The following SEMA6D variants were observed in gnomAD, a reference collection of about 807,000 sequenced individuals.
SEMA6D encodes semaphorin 6D, also known as semaphorin-6D.
In SEMA6D, 35 loss-of-function variants were observed where a neutral mutation model predicts 106.6. The observed-to-expected ratio is 0.33, with a 90% CI of 0.25 to 0.44. The LOEUF (loss-of-function observed/expected upper bound fraction) is 0.44, where lower values mean the gene tolerates loss of function less well. SEMA6D is among the 20% of genes least tolerant of loss of function. The pLI is 1.00. For missense variants in SEMA6D, 1,185 were observed against 1,345.9 expected (o/e 0.88, Z 1.87); for synonymous variants, 499 against 487.7 (o/e 1.02, Z -0.31).
At chr15:47,677,126 C>G (rs1307616639) in intron 4 of SEMA6D, among the ~76,000 whole-genome samples, 8 of 152,142 alleles carry the variant, frequency 5.3e-5, no homozygotes, top group Admixed American at 5.2e-4. Context: ...CACCACTCAC[C>G]TCCTCCTGTG....
At chr15:47,349,891 C>T (rs551269011) in intron 1 of SEMA6D, among the ~76,000 whole-genome samples, 40 of 152,256 alleles carry the variant, frequency 2.6e-4, no homozygotes, top group Admixed American at 2.4e-3. Flanking sequence ...AGTTCTCATG[C>T]CATTACTGTG....
intron 4 of SEMA6D, among the ~76,000 whole-genome samples, chr15:47,633,495 C>T (rs1206087939): frequency 6.6e-6 from 1 of 152,124 alleles, no homozygotes; most frequent in Non-Finnish European, 1.5e-5. Context: ...CTCTGTCATA[C>T]AAATTAGTAT....
chr15:47,636,352 A>C (rs547840880), intron 4 of SEMA6D, among the ~76,000 whole-genome samples: 1 of 152,352 alleles, frequency 6.6e-6, no homozygotes, highest in South Asian at 2.1e-4. Context: ...ACCAGTGTAC[A>C]ATGCAAAGAG....
chr15:47,259,479 A>G (rs1198651165), intron 1 of SEMA6D, among the ~76,000 whole-genome samples: 2 of 150,212 alleles, frequency 1.3e-5, no homozygotes, highest in African/African-American at 4.9e-5. Flanking sequence ...TTTTTTTTCC[A>G]GCACTTGAAA....
chr15:47,637,162 C>T (rs1274701056), intron 4 of SEMA6D, among the ~76,000 whole-genome samples: 1 of 152,180 alleles, frequency 6.6e-6, no homozygotes, highest in Non-Finnish European at 1.5e-5. Flanking sequence ...GATCTGAACA[C>T]ATTCTCTTCA....
intron 3 of SEMA6D, among the ~76,000 whole-genome samples, chr15:47,594,080 T>G (rs2076493438): frequency 6.6e-6 from 1 of 152,238 alleles, no homozygotes. Flanking sequence ...CATCAGTGCA[T>G]AGACAACATA....
intron 4 of SEMA6D, among the ~76,000 whole-genome samples, chr15:47,651,665 A>T (rs2077694603): frequency 6.6e-6 from 1 of 152,204 alleles, no homozygotes; most frequent in Non-Finnish European, 1.5e-5. Context: ...TCTGGGTCAG[A>T]CCTGATTCAG....
chr15:47,323,978 C>T (rs1382884339), intron 1 of SEMA6D, among the ~76,000 whole-genome samples: 1 of 86,572 alleles, frequency 1.2e-5, no homozygotes, highest in Non-Finnish European at 2.2e-5. Context: ...TTGACATATA[C>T]AAGTGGCAAA....
intron 2 of SEMA6D, among the ~76,000 whole-genome samples, chr15:47,449,662 A>G (rs2042130369): frequency 6.6e-6 from 1 of 152,072 alleles, no homozygotes; most frequent in Admixed American, 6.6e-5. Context: ...GGGGCTTCAC[A>G]TCGTACATGG....
chr15:47,284,541 T>A (rs1346472653), intron 1 of SEMA6D, among the ~76,000 whole-genome samples: 2 of 152,216 alleles, frequency 1.3e-5, no homozygotes, highest in Non-Finnish European at 2.9e-5. Flanking sequence ...ATAAATTTTC[T>A]GAATTCTCTT....
intron 4 of SEMA6D, among the ~76,000 whole-genome samples, chr15:47,675,068 G>A (rs1321200677): frequency 6.6e-6 from 1 of 152,224 alleles, no homozygotes; most frequent in Non-Finnish European, 1.5e-5. Flanking sequence ...TTCGATCCAG[G>A]AGTGACCTTG....
intron 1 of SEMA6D, among the ~76,000 whole-genome samples, chr15:47,744,279 C>G (rs999860540): frequency 6.6e-6 from 1 of 152,118 alleles, no homozygotes; most frequent in Non-Finnish European, 1.5e-5. Context: ...TTTCCCCAAA[C>G]CCTGGTCTAG....
At chr15:47,442,848 C>T (rs955330963) in intron 2 of SEMA6D, among the ~76,000 whole-genome samples, 8 of 152,048 alleles carry the variant, frequency 5.3e-5, no homozygotes, top group African/African-American at 1.9e-4. Context: ...TAGAGAAAAG[C>T]TTGCTGCTAC....
At chr15:47,212,150 T>G (rs2030081669) in intron 1 of SEMA6D, among the ~76,000 whole-genome samples, 2 of 152,188 alleles carry the variant, frequency 1.3e-5, no homozygotes, top group Admixed American at 6.5e-5. Context: ...AGTGATAGCC[T>G]TGAGAATAAT....
chr15:47,331,719 T>C (rs1325027197), intron 1 of SEMA6D, among the ~76,000 whole-genome samples: 1 of 152,216 alleles, frequency 6.6e-6, no homozygotes, highest in African/African-American at 2.4e-5. Flanking sequence ...AAAATTTCTT[T>C]AATGCAAATA....
In SEMA6D at chr15:47,768,591, A is replaced by G. The variant is rs2082468925; in HGVS notation, c.1776A>G (p.Val592=). 1.9e-6 allele frequency: 3 copies of G among 1,610,842 alleles called. No individual in the cohort carries two copies. The highest frequency in any genetic ancestry group is 2.5e-6 in the Non-Finnish European group (3 of 1,177,840). ...IFGGPTSDME[V]SSSSVTTMAS... The stretch of plus-strand genomic sequence containing the variant: ...TGTTTGCCACCACAGACATGGAGGT[A>G]TCTTCATCTTCTGTTACCACAATGG... Residue 592 remains valine, a synonymous_variant, in exon 18 of 19, where the codon GTA becomes GTG. Transcript: ENST00000536845.
intron 1 of SEMA6D, among the ~76,000 whole-genome samples, chr15:47,370,395 GTCC>G (rs1046543004): frequency 8.5e-5 from 13 of 152,196 alleles, no homozygotes; most frequent in African/African-American, 3.1e-4. Context: ...CATGCATATA[GTCC>G]CAGCTACTCA....
chr15:47,388,225 G>T (rs1034432200), intron 1 of SEMA6D, among the ~76,000 whole-genome samples: 1 of 152,134 alleles, frequency 6.6e-6, no homozygotes. Context: ...TGGGGAAGTT[G>T]TATACACAGC....
At chr15:47,408,906 G>A (rs1224037112) in intron 1 of SEMA6D, among the ~76,000 whole-genome samples, 1 of 152,168 alleles carries the variant, frequency 6.6e-6, no homozygotes, top group African/African-American at 2.4e-5. Context: ...GAGCTTGCAG[G>A]AGGCTATAGT....
Sources: allele counts gnomAD v4.1 joint callset (sites outside exome capture counted in the v4.1 genomes callset), GRCh38; gene constraint gnomAD v4.1.1; transcripts MANE v1.5; gene names NCBI Gene and HGNC (gene_info 2026-07-23, HGNC 2026-07-21).